Variants in PACRG observed in about 807,000 individuals in gnomAD.
PACRG encodes the protein parkin coregulated gene protein.
Under a neutral mutation model 29.7 loss-of-function variants are expected in PACRG, and 29 were observed. The ratio of observed to expected loss-of-function variants is 0.98; its 90% confidence interval spans 0.73 to 1.33. The LOEUF (loss-of-function observed/expected upper bound fraction) is 1.33, where lower values mean the gene tolerates loss of function less well. PACRG is among the 40% of genes most tolerant of loss of function. The pLI, the probability that PACRG is intolerant of heterozygous loss-of-function variation, is 0.00. For missense variants in PACRG, 279 were observed against 316.2 expected (o/e 0.88, Z 0.89); for synonymous variants, 116 against 118.7 (o/e 0.98, Z 0.15).
chr6:163,175,293 T>C (rs1291790334), intron 4 of PACRG, among the ~76,000 whole-genome samples: 4 of 152,132 alleles, frequency 2.6e-5, no homozygotes, highest in African/African-American at 9.7e-5. Flanking sequence ...CCAAATATCT[T>C]AGGGGTGGAG....
At chr6:163,195,401 T>C (rs1444270067) in intron 4 of PACRG, among the ~76,000 whole-genome samples, 1 of 152,144 alleles carries the variant, frequency 6.6e-6, no homozygotes, top group Non-Finnish European at 1.5e-5. Context: ...TATCTCCTCA[T>C]GTGGGTTCTC....
At chr6:163,251,659 C>T (rs1020247776) in intron 4 of PACRG, among the ~76,000 whole-genome samples, 5 of 152,092 alleles carry the variant, frequency 3.3e-5, no homozygotes, top group Non-Finnish European at 2.9e-5. Context: ...TTCTGTATTG[C>T]GCTGCTCGGA....
intron 2 of PACRG, among the ~76,000 whole-genome samples, chr6:163,000,096 T>C (rs1386206288): frequency 6.6e-6 from 1 of 152,190 alleles, no homozygotes; most frequent in East Asian, 1.9e-4. Context: ...ATCATTAAGA[T>C]CCTTGTCCTG....
chr6:162,736,460 G>C (rs1780171244), intron 1 of PACRG, among the ~76,000 whole-genome samples: 1 of 152,074 alleles, frequency 6.6e-6, no homozygotes, highest in South Asian at 2.1e-4. Context: ...TTTTGTAGTT[G>C]GCAGGGAGAA....
At chr6:163,143,587 A>G (rs1777642623) in intron 4 of PACRG, among the ~76,000 whole-genome samples, 1 of 152,254 alleles carries the variant, frequency 6.6e-6, no homozygotes, top group African/African-American at 2.4e-5. Context: ...CTGCCAATGC[A>G]TAACACACAA....
At chr6:162,772,869 CAGA>C (rs1476484660) in intron 1 of PACRG, among the ~76,000 whole-genome samples, 5 of 152,166 alleles carry the variant, frequency 3.3e-5, no homozygotes, top group East Asian at 1.9e-4. Flanking sequence ...GATATGTAGA[CAGA>C]AGAAGTACAG....
At chr6:163,025,029 C>T (rs1348894660) in intron 2 of PACRG, among the ~76,000 whole-genome samples, 2 of 152,266 alleles carry the variant, frequency 1.3e-5, no homozygotes, top group South Asian at 4.1e-4. Context: ...TCAATAAAAT[C>T]TGACATCCCT....
rs146451411 is a variant in PACRG at position 162,768,290 on chromosome 6, T to C, written c.156+39899T>C. Among the ~76,000 whole-genome samples the C allele has an allele frequency of 3.0e-4, 46 of 152,200 alleles. 1 individual carries two copies. In the South Asian group the frequency reaches 4.3e-3, roughly 14 times the overall value. Reference sequence around the variant, plus strand: ...ACTTCAAATATATTATTCAACAACCTTGTGGTTTCTGTTGTTGAGAAGTCT... The same window carrying C: ...ACTTCAAATATATTATTCAACAACCCTGTGGTTTCTGTTGTTGAGAAGTCT... On this transcript the variant is annotated intron_variant, in intron 1 of 4. Transcript: ENST00000366888.
intron 4 of PACRG, among the ~76,000 whole-genome samples, chr6:163,106,498 T>C (rs1815388824): frequency 6.6e-6 from 1 of 152,210 alleles, no homozygotes; most frequent in Non-Finnish European, 1.5e-5. Flanking sequence ...AGTGGCATTA[T>C]TCTTGGATGA....
At chr6:162,872,281 C>G (rs1344647497) in intron 2 of PACRG, among the ~76,000 whole-genome samples, 1 of 152,160 alleles carries the variant, frequency 6.6e-6, no homozygotes, top group African/African-American at 2.4e-5. Context: ...GTTAGGTTGA[C>G]TAAAATCTGG....
intron 2 of PACRG, among the ~76,000 whole-genome samples, chr6:162,881,403 G>A (rs913590445): frequency 2.6e-5 from 4 of 152,108 alleles, no homozygotes; most frequent in African/African-American, 2.4e-5. Flanking sequence ...TCCCCAATCC[G>A]GTGGGAAATT....
chr6:163,243,472 C>T (rs1414306827), intron 4 of PACRG, among the ~76,000 whole-genome samples: 1 of 152,218 alleles, frequency 6.6e-6, no homozygotes, highest in African/African-American at 2.4e-5. Context: ...TTCCAAGCTC[C>T]CAAGTCACTT....
At chr6:162,796,188 G>T (rs748771550) in intron 1 of PACRG, among the ~76,000 whole-genome samples, 1 of 152,020 alleles carries the variant, frequency 6.6e-6, no homozygotes, top group Non-Finnish European at 1.5e-5. Context: ...GTATTTTCCC[G>T]CATGGTTCTG....
intron 3 of PACRG, among the ~76,000 whole-genome samples, chr6:163,073,036 T>C (rs769375281): frequency 2.6e-5 from 4 of 152,190 alleles, no homozygotes; most frequent in Admixed American, 6.5e-5. Flanking sequence ...CCCAAAGCAA[T>C]CTACAGATTC....
intron 4 of PACRG, among the ~76,000 whole-genome samples, chr6:163,176,580 G>C (rs1779372109): frequency 2.0e-5 from 3 of 151,960 alleles, no homozygotes; most frequent in African/African-American, 7.3e-5. Flanking sequence ...AGGCAAAAAA[G>C]GGGAGAAACT....
chr6:162,756,534 A>G (rs1263561627), intron 1 of PACRG, among the ~76,000 whole-genome samples: 1 of 152,124 alleles, frequency 6.6e-6, no homozygotes, highest in Non-Finnish European at 1.5e-5. Context: ...TATGTGTGTC[A>G]TGACTAGTGA....
intron 2 of PACRG, among the ~76,000 whole-genome samples, chr6:162,982,180 G>A (rs189624866): frequency 1.8e-4 from 27 of 151,782 alleles, no homozygotes; most frequent in Admixed American, 1.8e-3. Context: ...TGGATCTTCT[G>A]TCTTCTTTTC....
In PACRG at chr6:162,846,953, G is replaced by A. The variant is rs146487994; in HGVS notation, c.291+32672G>A. 9.5e-5 allele frequency among the ~76,000 whole-genome samples: 14 copies of A among 147,460 alleles called. No homozygotes were observed. The East Asian group carries it at 1.7e-3, about 17-fold the overall frequency. On this transcript the variant is annotated intron_variant, in intron 2 of 4. Transcript: ENST00000366888. Reference sequence around the variant, plus strand: ...TGCTGTGCTCCCCACACTGACTGCCGTGCTCCTCATGCTGACTGCCATGCT... The same window carrying A: ...TGCTGTGCTCCCCACACTGACTGCCATGCTCCTCATGCTGACTGCCATGCT...
At chr6:163,124,350 G>C (rs1216821335) in intron 4 of PACRG, among the ~76,000 whole-genome samples, 1 of 151,840 alleles carries the variant, frequency 6.6e-6, no homozygotes, top group Non-Finnish European at 1.5e-5. Context: ...ACCAGGACTT[G>C]CTAAGTTTTT....
Sources: gnomAD v4.1 joint callset for allele counts (sites outside exome capture counted in the v4.1 genomes callset) on GRCh38, gnomAD v4.1.1 for gene constraint, MANE v1.5 for transcripts, NCBI Gene and HGNC (gene_info 2026-07-23, HGNC 2026-07-21) for gene names.